The following DYNC2H1 variants were observed in gnomAD, a reference collection of about 807,000 sequenced individuals.
The protein encoded by DYNC2H1 is dynein cytoplasmic 2 heavy chain 1, also known as cytoplasmic dynein 2 heavy chain 1.
A neutral mutation model predicts 570.0 loss-of-function variants in DYNC2H1; 410 were observed. The ratio of observed to expected loss-of-function variants is 0.72; its 90% CI spans 0.66 to 0.78. The LOEUF is 0.78. Among genes scored for constraint, DYNC2H1 ranks in the 30% least tolerant of loss-of-function variants. DYNC2H1 has a pLI of 0.00. For synonymous variants in DYNC2H1, 1,688 were observed against 1,677.6 expected (o/e 1.01, Z -0.15); for missense variants, 4,865 against 5,046.4 (o/e 0.96, Z 1.09).
Position 103,192,078 on chromosome 11 carries a change from A to G in DYNC2H1, c.7541-19A>G, listed in dbSNP as rs1321682669. On this transcript the variant is annotated intron_variant, in intron 46 of 88. Transcript: ENST00000375735. ...AAAAATCATTATATTACAATTAAAT[A>G]AAATTTTGCCTTTTCTAGGATCCTC... is the stretch of plus-strand genomic sequence containing the variant. 6.9e-7 allele frequency: 1 copy of G among 1,444,048 alleles called. No homozygotes were observed. The highest frequency in any genetic ancestry group is 9.2e-7 in the Non-Finnish European group (1 of 1,081,584). The allele number at this position is 1,444,048 out of a possible 1,614,324, so 89.5% of individuals were successfully genotyped here.
At chr11:103,468,233 T>G (rs944872178) in intron 87 of DYNC2H1, among the ~76,000 whole-genome samples, 1 of 152,266 alleles carries the variant, frequency 6.6e-6, no homozygotes, top group African/African-American at 2.4e-5. Flanking sequence ...ATACAATGTT[T>G]GCTCTCTAAT....
At chr11:103,123,155 A>G (rs779398348) in intron 11 of DYNC2H1, among the ~76,000 whole-genome samples, 155 bp downstream of exon 11, 4 of 152,046 alleles carry the variant, frequency 2.6e-5, no homozygotes, top group Admixed American at 6.6e-5. Context: ...CTTTTAATTC[A>G]TTAAGGCTGG....
chr11:103,126,343 C>A (rs1858999687), intron 12 of DYNC2H1, among the ~76,000 whole-genome samples: 1 of 152,158 alleles, frequency 6.6e-6, no homozygotes. Flanking sequence ...GTAGCATCTG[C>A]TTAGCACTGC....
In DYNC2H1 at chr11:103,204,784, A is replaced by G. The variant is rs1422266245; in HGVS notation, c.8312-38A>G. ...TCTCTTTAACCCAGACCACGTATAG[A>G]TTGCCTGATTGTATTATTATTCTTA... is the stretch of plus-strand genomic sequence containing the variant. On this transcript the variant is annotated intron_variant, in intron 51 of 88. Transcript: ENST00000375735. The surrounding 1 kb of genome is among the most constrained non-coding windows in gnomAD (Gnocchi z 4.1). 2.0e-6 allele frequency: 3 copies of G among 1,532,280 alleles called. No homozygotes were observed. In the Admixed American group the frequency reaches 5.9e-5, roughly 30 times the overall value. The allele number at this position is 1,532,280 out of a possible 1,614,324, so 94.9% of individuals were successfully genotyped here. A position where few individuals can be genotyped will look rare whatever the true frequency, so the allele number is the denominator to read the frequency against.
intron 39 of DYNC2H1, 63 bp downstream of exon 39, chr11:103,179,296 T>C (rs1233886801): frequency 5.4e-6 from 8 of 1,473,336 alleles, no homozygotes; most frequent in Non-Finnish European, 7.4e-6. Flanking sequence ...TGGTTTCATA[T>C]TAAGTAAAAT....
At chr11:103,453,639 T>C (rs1441384521) in intron 85 of DYNC2H1, among the ~76,000 whole-genome samples, 2 of 103,240 alleles carry the variant, frequency 1.9e-5, no homozygotes, top group Admixed American at 2.4e-4. Context: ...TATATATATA[T>C]ATACACACAT....
intron 20 of DYNC2H1, among the ~76,000 whole-genome samples, chr11:103,150,032 G>T (rs768767834): frequency 2.3e-4 from 35 of 152,146 alleles, no homozygotes; most frequent in Non-Finnish European, 4.1e-4. Context: ...AGCTTGGTAT[G>T]CTTAAGGAAC....
intron 31 of DYNC2H1, among the ~76,000 whole-genome samples, chr11:103,167,013 A>ATTTTTTTTTTCT (rs1467907197): frequency 6.2e-5 from 3 of 48,464 alleles, no homozygotes; most frequent in Non-Finnish European, 1.2e-4. Flanking sequence ...TTTTTTTTTG[A>ATTTTTTTTTTCT]TTTTTCCTCT....
At chr11:103,276,244 G>A (rs895233448) in intron 70 of DYNC2H1, among the ~76,000 whole-genome samples, 36 of 151,942 alleles carry the variant, frequency 2.4e-4, no homozygotes, top group African/African-American at 7.7e-4. Context: ...GAAATTTTAC[G>A]TATGTAGGTG....
At chr11:103,442,969 CTTTT>C (rs5794237) in intron 85 of DYNC2H1, among the ~76,000 whole-genome samples, 1 of 143,074 alleles carries the variant, frequency 7.0e-6, no homozygotes, top group Admixed American at 6.9e-5. Flanking sequence ...TTTATGAGCC[CTTTT>C]TTTTTTTTTG....
chr11:103,348,211 C>A (rs1939853970), intron 82 of DYNC2H1, among the ~76,000 whole-genome samples: 1 of 152,126 alleles, frequency 6.6e-6, no homozygotes, highest in Admixed American at 6.6e-5. Flanking sequence ...GTTTAACTGA[C>A]CCTAGCCCAA....
chr11:103,196,541 T>G (rs934119677), intron 47 of DYNC2H1, among the ~76,000 whole-genome samples: 2 of 152,118 alleles, frequency 1.3e-5, no homozygotes, highest in Non-Finnish European at 2.9e-5. Context: ...TGCCTAAAGA[T>G]AAGTAGTAGG....
intron 66 of DYNC2H1, among the ~76,000 whole-genome samples, chr11:103,255,026 C>T (rs1165992075): frequency 6.6e-6 from 1 of 152,104 alleles, no homozygotes; most frequent in Non-Finnish European, 1.5e-5. Flanking sequence ...CCACCTCAGC[C>T]TCCCAAAGTG....
At chr11:103,386,391 T>C (rs1239326290) in intron 83 of DYNC2H1, among the ~76,000 whole-genome samples, 2 of 152,136 alleles carry the variant, frequency 1.3e-5, no homozygotes, top group African/African-American at 4.8e-5. Flanking sequence ...CATAAAGTTA[T>C]TGAACCAATT....
At chr11:103,214,980 T>G (rs1863324256) in intron 54 of DYNC2H1, among the ~76,000 whole-genome samples, 1 of 152,152 alleles carries the variant, frequency 6.6e-6, no homozygotes, top group South Asian at 2.1e-4. Flanking sequence ...GAAACATTGC[T>G]GATTTTTCTG....
intron 75 of DYNC2H1, among the ~76,000 whole-genome samples, chr11:103,300,624 C>T (rs1867008440): frequency 1.3e-5 from 2 of 151,806 alleles, no homozygotes; most frequent in African/African-American, 2.4e-5. Flanking sequence ...TGATTTTTTT[C>T]TCCAACTCAA....
At chr11:103,416,520 TCTG>T (rs1236704550) in intron 84 of DYNC2H1, among the ~76,000 whole-genome samples, 1 of 152,042 alleles carries the variant, frequency 6.6e-6, no homozygotes, top group Non-Finnish European at 1.5e-5. Context: ...TCTACAACCA[TCTG>T]ATGTTTGACA....
intron 60 of DYNC2H1, among the ~76,000 whole-genome samples, chr11:103,232,266 A>G (rs1237249440): frequency 6.6e-6 from 1 of 151,974 alleles, no homozygotes. Context: ...AATCCTTAAA[A>G]CAATGATGAG....
At position 103,128,934 on chromosome 11, in the gene DYNC2H1, G is replaced by T; in HGVS notation, c.1882G>T (p.Asp628Tyr). The change falls in exon 13 of 89, where the codon GAT becomes TAT. Residue 628 changes from aspartate (D) to tyrosine (Y), a missense_variant. Physicochemically the swap from Asp to Tyr is radical, Grantham distance 160. This residue lies in a region of DYNC2H1 where 1,936 missense variants were observed against 1,962.1 expected (regional missense o/e 0.99). Coordinates refer to ENST00000375735, the MANE Select transcript of DYNC2H1 (RefSeq NM_001377.3). The stretch of plus-strand genomic sequence containing the variant: ...GGTGGCACATTTTTATAATTCTATT[G>T]ATCAACAAATGATTCAAAGTCAGAG... ...KQVAHFYNSI[D>Y]QQMIQSQRPM... 6.3e-7 allele frequency: 1 copy of T among 1,594,262 alleles called. No homozygotes were observed. The highest frequency in any genetic ancestry group is 2.3e-5 in the East Asian group (1 of 44,018).
Sources: allele counts gnomAD v4.1 joint callset (sites outside exome capture counted in the v4.1 genomes callset), GRCh38; gene constraint gnomAD v4.1.1; regional missense constraint gnomAD v4.1.1; non-coding constraint Gnocchi (gnomAD v3.1); transcripts MANE v1.5; gene names NCBI Gene and HGNC (gene_info 2026-07-23, HGNC 2026-07-21).